KIF13A: variants seen among roughly 807,000 people sequenced by gnomAD.
KIF13A encodes the protein kinesin family member 13A.
A neutral mutation model predicts 212.2 loss-of-function variants in KIF13A; 79 were observed. The observed-to-expected ratio is 0.37, with a 90% confidence interval of 0.31 to 0.45. KIF13A has a LOEUF of 0.45. Among genes scored for constraint, KIF13A ranks in the 20% least tolerant of loss-of-function variants. The probability of loss-of-function intolerance (pLI) is 1.00; values close to 1 mark genes in which losing one functional copy is unlikely to be tolerated. For missense variants in KIF13A, 1,901 were observed against 2,209.0 expected (o/e 0.86, Z 2.79); for synonymous variants, 789 against 808.6 (o/e 0.98, Z 0.41).
chr6:17,855,458 C>T lies in KIF13A; in HGVS notation c.473G>A (p.Arg158Gln), dbSNP rs1478438447. 11 of 1,611,856 alleles carry T rather than the reference C, an allele frequency of 6.8e-6. No individual in the cohort carries two copies. Among genetic ancestry groups the T allele is most frequent in the African/African-American group, 1.3e-5 (1 of 74,774 alleles). ...TTACCCTTTGGGGTCTAAAAGATCC[C>T]GAACTTTCTCATTATAAATTTCCAT... Reference protein sequence around the residue: ...SYMEIYNEKVRDLLDPKGSRQ... With the variant: ...SYMEIYNEKVQDLLDPKGSRQ... The change falls in exon 6 of 39, where the codon CGG (arginine) becomes CAG (glutamine). Residue 158 changes from arginine to glutamine, a missense_variant. Around this residue, in one of 5 missense-constraint regions of KIF13A, gnomAD observed 506 missense variants for 637.4 expected, o/e 0.79. Transcript: ENST00000259711. The surrounding 1 kb of genome is among the most constrained non-coding windows in gnomAD (Gnocchi z 4.1).
rs913108393 is a variant in KIF13A at position 17,888,870 on chromosome 6, A to G, written c.159+9298T>C. 2.0e-5 allele frequency among the ~76,000 whole-genome samples: 3 copies of G among 152,006 alleles called. No homozygotes were observed. The highest frequency in any genetic ancestry group is 7.2e-5 in the African/African-American group (3 of 41,440). Reference sequence around the variant, plus strand: ...AGAGATGAAATAATTTAATATAAAAATAATAATATATTTAACCAAATATAT... The same window carrying G: ...AGAGATGAAATAATTTAATATAAAAGTAATAATATATTTAACCAAATATAT... On this transcript the variant is annotated intron_variant, in intron 3 of 38. Transcript: ENST00000259711. The surrounding 1 kb of genome is among the most constrained non-coding windows in gnomAD (Gnocchi z 4.8).
rs1760100880 is a variant in KIF13A at position 17,777,444 on chromosome 6, T to C, written c.4093-90A>G. On this transcript the variant is annotated intron_variant, in intron 33 of 38. Coordinates refer to ENST00000259711, the MANE Select transcript of KIF13A (RefSeq NM_022113.6). This position sits in a 1 kb window ranked among gnomAD's most constrained non-coding sequence, Gnocchi z 4.4. ...TGTTGCCCAGGCTGGAGTGTAGTGA[T>C]GCGATCTCTGCTCACTGCAACCTCT... 9.5e-7 allele frequency: 1 copy of C among 1,049,256 alleles called. No homozygotes were observed. Among genetic ancestry groups the C allele is most frequent in the Non-Finnish European group, 1.4e-6 (1 of 694,606 alleles). The allele number at this position is 1,049,256 out of a possible 1,614,324, so 65.0% of individuals were successfully genotyped here. A position where few individuals can be genotyped will look rare whatever the true frequency, so the allele number is the denominator to read the frequency against.
intron 16 of KIF13A, among the ~76,000 whole-genome samples, chr6:17,820,849 T>C (rs925298976): frequency 1.1e-4 from 16 of 152,198 alleles, no homozygotes; most frequent in African/African-American, 3.6e-4. Flanking sequence ...GCGGTGGTAG[T>C]GGTGCTGGTA....
At chr6:17,808,620 G>A (rs890215591) in intron 18 of KIF13A, 148 bp downstream of exon 18, 4 of 644,164 alleles carry the variant, frequency 6.2e-6, no homozygotes, top group Non-Finnish European at 1.0e-5. Context: ...TATCCAATGA[G>A]GTATATAAAG....
chr6:17,866,837 ATATAT>A (rs1769436948), intron 4 of KIF13A, among the ~76,000 whole-genome samples: 2 of 14,744 alleles, frequency 1.4e-4, no homozygotes, highest in Non-Finnish European at 3.4e-4. Context: ...GCATATATAT[ATATAT>A]ATATATATAT....
Position 17,772,187 on chromosome 6 carries a change from T to C in KIF13A, c.4325-128A>G. The stretch of plus-strand genomic sequence containing the variant: ...TGAAATTCATAGGCTAATATTTGGC[T>C]AAGCATTAAAACAGATGTATGCCCA... On this transcript the variant is annotated intron_variant, in intron 36 of 38. Transcript: ENST00000259711. The surrounding 1 kb of genome is among the most constrained non-coding windows in gnomAD (Gnocchi z 4.8). The C allele has an allele frequency of 1.1e-6, 1 of 898,984 alleles. No individual in the cohort carries two copies. Among genetic ancestry groups the C allele is most frequent in the South Asian group, 1.7e-5 (1 of 59,316 alleles). The allele number at this position is 898,984 out of a possible 1,614,324, so 55.7% of individuals were successfully genotyped here.
Position 17,856,935 on chromosome 6 carries a change from G to A in KIF13A, c.221-813C>T, listed in dbSNP as rs939208333. Among the ~76,000 whole-genome samples the A allele has an allele frequency of 3.9e-5, 6 of 152,138 alleles. No individual in the cohort carries two copies. The highest frequency in any genetic ancestry group is 1.4e-4 in the African/African-American group (6 of 41,454). The stretch of plus-strand genomic sequence containing the variant: ...GCATTTGCAGAAACTACTAGTTTAA[G>A]TACCTGTTTCCTCCACTGGCATGAG... On this transcript the variant is annotated intron_variant, in intron 4 of 38. Coordinates refer to ENST00000259711, the MANE Select transcript of KIF13A (RefSeq NM_022113.6). The surrounding 1 kb of genome is among the most constrained non-coding windows in gnomAD (Gnocchi z 4.5).
At chr6:17,824,477 C>A (rs973075561) in intron 16 of KIF13A, among the ~76,000 whole-genome samples, 1 of 151,724 alleles carries the variant, frequency 6.6e-6, no homozygotes, top group Non-Finnish European at 1.5e-5. Flanking sequence ...ACAAAATGCT[C>A]GGCTGGGCGT....
Position 17,775,022 on chromosome 6 carries a change from T to C in KIF13A, c.4211A>G (p.Asp1404Gly), listed in dbSNP as rs770047708. 3.7e-6 allele frequency: 6 copies of C among 1,611,506 alleles called. No homozygotes were observed. The highest frequency in any genetic ancestry group is 3.3e-5 in the Admixed American group (2 of 59,750). ...SRPDLSGFDE[D>G]DKGWPENQLD... is the part of the protein sequence containing the mutation. ...ATGCCCATAGGTGCATACCTTGTCATCTTCATCAAAGCCAGAAAGGTCCGG... is the reference window on the plus strand; with the variant it reads ...ATGCCCATAGGTGCATACCTTGTCACCTTCATCAAAGCCAGAAAGGTCCGG... The change falls in exon 35 of 39, where the codon GAT (aspartate) becomes GGT (glycine). Residue 1404 changes from aspartate (D) to glycine (G), a missense_variant. Physicochemically the swap from Asp to Gly is moderately conservative, Grantham distance 94. Coordinates refer to ENST00000259711, the MANE Select transcript of KIF13A (RefSeq NM_022113.6).
intron 25 of KIF13A, among the ~76,000 whole-genome samples, chr6:17,791,100 A>G (rs1053190898): frequency 5.9e-5 from 9 of 151,982 alleles, no homozygotes; most frequent in Non-Finnish European, 7.4e-5. Context: ...ATACTTCAAA[A>G]TGAACTGCTT....
intron 17 of KIF13A, among the ~76,000 whole-genome samples, chr6:17,814,403 C>T (rs1041420509): frequency 5.3e-5 from 8 of 151,918 alleles, no homozygotes; most frequent in South Asian, 2.1e-4. Flanking sequence ...TGCCCACGAC[C>T]GCACCTGACT....
chr6:17,777,180 C>A lies in KIF13A; in HGVS notation c.4170+97G>T. The A allele has an allele frequency of 1.1e-6, 1 of 935,746 alleles. No homozygotes were observed. Among genetic ancestry groups the A allele is most frequent in the Non-Finnish European group, 1.7e-6 (1 of 585,894 alleles). 58.0% of individuals were successfully genotyped at this position (935,746 alleles called of 1,614,324 possible). A position where few individuals can be genotyped will look rare whatever the true frequency, so the allele number is the denominator to read the frequency against. On this transcript the variant is annotated intron_variant, in intron 34 of 38. Coordinates refer to ENST00000259711, the MANE Select transcript of KIF13A (RefSeq NM_022113.6). This position sits in a 1 kb window ranked among gnomAD's most constrained non-coding sequence, Gnocchi z 4.4. ...ACACTTTGGGATGCCCACACCAGTT[C>A]CATAAGCTCTACTGCCACTGTGTGA...
In KIF13A at chr6:17,898,081, C is replaced by T. The variant is rs374259813; in HGVS notation, c.159+87G>A. ...ATGCTGTTTTCAGTTCTCAATGAGA[C>T]AGATGTTCTACATGGGTTACAGTGA... On this transcript the variant is annotated intron_variant, in intron 3 of 38. Transcript: ENST00000259711. This position sits in a 1 kb window ranked among gnomAD's most constrained non-coding sequence, Gnocchi z 5.2. The T allele has an allele frequency of 4.9e-6, 6 of 1,235,818 alleles. No individual in the cohort carries two copies. The highest frequency in any genetic ancestry group is 4.0e-5 in the Admixed American group (2 of 49,530). The allele number at this position is 1,235,818 out of a possible 1,614,324, so 76.6% of individuals were successfully genotyped here.
chr6:17,794,571 C>A lies in KIF13A; in HGVS notation c.3075+1G>T. On this transcript the variant is annotated splice_donor_variant, in intron 24 of 38. Transcript: ENST00000259711. LOFTEE classifies it high-confidence loss of function. This position sits in a 1 kb window ranked among gnomAD's most constrained non-coding sequence, Gnocchi z 4.1. ...AAAAAAACCCAAAACAAACTCAGTA[C>A]CTGTCTAAGTTGAAAGATGCCTCCT... is the stretch of plus-strand genomic sequence containing the variant. 2 of 1,601,532 alleles carry A rather than the reference C, an allele frequency of 1.2e-6. No individual in the cohort carries two copies. Among genetic ancestry groups the A allele is most frequent in the Non-Finnish European group, 1.7e-6 (2 of 1,176,272 alleles).
intron 3 of KIF13A, among the ~76,000 whole-genome samples, chr6:17,873,859 T>C (rs997362994): frequency 1.3e-5 from 2 of 152,186 alleles, no homozygotes; most frequent in African/African-American, 4.8e-5. Context: ...CAAAATGTAC[T>C]GGGATTATAG....
chr6:17,826,463 G>C lies in KIF13A; in HGVS notation c.1533-339C>G, dbSNP rs796586733. ...TTTAGGAAATACAGAGAACAATGGA[G>C]GATGTGAAATGATGCCATGGGATGC... On this transcript the variant is annotated intron_variant, in intron 14 of 38. Transcript: ENST00000259711. The surrounding 1 kb of genome is among the most constrained non-coding windows in gnomAD (Gnocchi z 4.7). 1.3e-4 allele frequency among the ~76,000 whole-genome samples: 20 copies of C among 152,298 alleles called. 1 individual carries two copies. In the South Asian group the frequency reaches 3.9e-3, roughly 30 times the overall value.
At position 17,926,082 on chromosome 6, in the gene KIF13A, A is replaced by C. The variant is rs139443863; in HGVS notation, c.147-27902T>G. The stretch of plus-strand genomic sequence containing the variant: ...GCTCATCTTATAATGAAGATGTCAG[A>C]ACCAGACATATAATTAAAGTAGTCA... On this transcript the variant is annotated intron_variant, in intron 2 of 38. Coordinates refer to ENST00000259711, the MANE Select transcript of KIF13A (RefSeq NM_022113.6). This position sits in a 1 kb window ranked among gnomAD's most constrained non-coding sequence, Gnocchi z 4.3. 7.2e-4 allele frequency among the ~76,000 whole-genome samples: 109 copies of C among 152,350 alleles called. No individual in the cohort carries two copies. The highest frequency in any genetic ancestry group is 2.6e-3 in the African/African-American group (108 of 41,586).
chr6:17,943,136 C>T (rs865824791), intron 2 of KIF13A, among the ~76,000 whole-genome samples: 43 of 152,132 alleles, frequency 2.8e-4, no homozygotes, highest in African/African-American at 9.9e-4. Flanking sequence ...ACACAAAGTA[C>T]ATTTCCTTGA....
rs181834662 is a variant in KIF13A, at chr6:17,978,844, G to A, written c.146+8210C>T. On this transcript the variant is annotated intron_variant, in intron 2 of 38. Coordinates refer to ENST00000259711, the MANE Select transcript of KIF13A (RefSeq NM_022113.6). Reference sequence around the variant, plus strand: ...CTATTTCTAGCTGGATTTCACCACCGGAAGCTGAGTTAAGTAGAGGGATGA... The same window carrying A: ...CTATTTCTAGCTGGATTTCACCACCAGAAGCTGAGTTAAGTAGAGGGATGA... Among the ~76,000 whole-genome samples the A allele has an allele frequency of 1.1e-3, 161 of 152,238 alleles. 1 individual carries two copies. The highest frequency in any genetic ancestry group is 3.5e-3 in the South Asian group (17 of 4,826).
Sources: gnomAD v4.1 joint callset for allele counts (sites outside exome capture counted in the v4.1 genomes callset) on GRCh38, gnomAD v4.1.1 for gene constraint, gnomAD v4.1.1 regional missense constraint, Gnocchi (gnomAD v3.1) non-coding constraint, MANE v1.5 for transcripts, NCBI Gene and HGNC (gene_info 2026-07-23, HGNC 2026-07-21) for gene names.